TMEM132B: variants seen among roughly 807,000 people sequenced by gnomAD.
TMEM132B encodes transmembrane protein 132B.
A neutral mutation model predicts 90.8 loss-of-function variants in TMEM132B; 18 were observed. The observed-to-expected ratio is 0.20, with a 90% CI of 0.14 to 0.29. TMEM132B has a LOEUF of 0.29. TMEM132B is among the 10% of genes least tolerant of loss of function. The pLI is 1.00. For missense variants in TMEM132B, 1,096 were observed against 1,326.8 expected (o/e 0.83, Z 2.70); for synonymous variants, 504 against 523.3 (o/e 0.96, Z 0.50).
chr12:125,372,505 G>C (rs1319724920), intron 2 of TMEM132B, among the ~76,000 whole-genome samples: 1 of 152,180 alleles, frequency 6.6e-6, no homozygotes, highest in Non-Finnish European at 1.5e-5. Context: ...TTAGCCAAAG[G>C]AGCTTTTTGC....
chr12:125,334,970 A>C (rs961736211), intron 1 of TMEM132B, among the ~76,000 whole-genome samples: 1 of 152,244 alleles, frequency 6.6e-6, no homozygotes, highest in Admixed American at 6.5e-5. Flanking sequence ...GCCGGCCCTC[A>C]GTCTACTTCT....
At chr12:125,318,177 A>G (rs1456495492) in intron 1 of TMEM132B, among the ~76,000 whole-genome samples, 4 of 78,186 alleles carry the variant, frequency 5.1e-5, no homozygotes, top group African/African-American at 3.3e-4. Flanking sequence ...ACTATATACT[A>G]CAATAAAAGT....
intron 3 of TMEM132B, among the ~76,000 whole-genome samples, chr12:125,484,156 C>T (rs1471976839): frequency 6.6e-6 from 1 of 152,038 alleles, no homozygotes; most frequent in Non-Finnish European, 1.5e-5. Flanking sequence ...TGCCTTGGCC[C>T]CCCGAAGTGC....
At chr12:125,477,397 T>C (rs1264508082) in intron 3 of TMEM132B, among the ~76,000 whole-genome samples, 2 of 152,190 alleles carry the variant, frequency 1.3e-5, no homozygotes, top group Admixed American at 6.5e-5. Context: ...ATTCTCTCTC[T>C]CTGGCTCAAT....
chr12:125,368,904 GGT>G (rs1271645486), intron 2 of TMEM132B, among the ~76,000 whole-genome samples: 1 of 152,102 alleles, frequency 6.6e-6, no homozygotes, highest in Non-Finnish European at 1.5e-5. Flanking sequence ...TAAGTTCTAT[GGT>G]ACATGTGCAC....
chr12:125,419,239 A>G (rs1390167995), intron 3 of TMEM132B, among the ~76,000 whole-genome samples: 1 of 152,194 alleles, frequency 6.6e-6, no homozygotes, highest in African/African-American at 2.4e-5. Flanking sequence ...TCAAGATCCA[A>G]TCCAGCTGTT....
At chr12:125,381,292 C>A (rs1030709451) in intron 2 of TMEM132B, among the ~76,000 whole-genome samples, 8 of 152,124 alleles carry the variant, frequency 5.3e-5, no homozygotes, top group African/African-American at 1.9e-4. Flanking sequence ...AGACTCCTGA[C>A]CAGGACCTGG....
In TMEM132B at chr12:125,492,858, C is replaced by A. The variant is rs909127236; in HGVS notation, c.1107-26581C>A. On this transcript the variant is annotated intron_variant, in intron 3 of 8. Transcript: ENST00000682704. The surrounding 1 kb of genome is among the most constrained non-coding windows in gnomAD (Gnocchi z 5.8). ...CACAGCGCCAACCAAAGGCTCAGTT[C>A]CACCCTCAAGAGCTTGCAGTCCAGG... Among the ~76,000 whole-genome samples, 7 of 152,174 alleles carry A rather than the reference C, an allele frequency of 4.6e-5. No individual in the cohort carries two copies. The highest frequency in any genetic ancestry group is 1.7e-4 in the African/African-American group (7 of 41,434).
chr12:125,334,559 C>T (rs1876893037), intron 1 of TMEM132B, among the ~76,000 whole-genome samples: 2 of 152,154 alleles, frequency 1.3e-5, no homozygotes, highest in African/African-American at 4.8e-5. Context: ...TTTTTTCTGC[C>T]TTTGAAGCAA....
chr12:125,475,776 C>T (rs1262977708), intron 3 of TMEM132B, among the ~76,000 whole-genome samples: 2 of 152,128 alleles, frequency 1.3e-5, no homozygotes, highest in African/African-American at 4.8e-5. Context: ...CCTATTAGTT[C>T]CCCTCTAAAG....
At chr12:125,266,880 T>A (rs1477924320) in intron 1 of TMEM132B, among the ~76,000 whole-genome samples, 1 of 152,172 alleles carries the variant, frequency 6.6e-6, no homozygotes, top group Non-Finnish European at 1.5e-5. Context: ...AGCGAATGTG[T>A]CCCATGGCAC....
chr12:125,524,894 G>A (rs1883406638), intron 4 of TMEM132B, among the ~76,000 whole-genome samples: 1 of 152,204 alleles, frequency 6.6e-6, no homozygotes, highest in South Asian at 2.1e-4. Flanking sequence ...GGGAGCTCAT[G>A]GAGAGCTCCT....
intron 1 of TMEM132B, among the ~76,000 whole-genome samples, chr12:125,332,439 A>G (rs996902481): frequency 1.3e-5 from 2 of 151,934 alleles, no homozygotes; most frequent in Non-Finnish European, 2.9e-5. Flanking sequence ...TTTTTTTCCC[A>G]CAGACTTCTG....
intron 4 of TMEM132B, among the ~76,000 whole-genome samples, chr12:125,547,001 C>T (rs1421173038): frequency 2.0e-5 from 3 of 152,116 alleles, no homozygotes; most frequent in African/African-American, 7.2e-5. Flanking sequence ...AGGGGGAAGC[C>T]CCTTATGAAA....
intron 1 of TMEM132B, among the ~76,000 whole-genome samples, chr12:125,226,049 C>T (rs1212659702): frequency 6.6e-6 from 1 of 152,150 alleles, no homozygotes; most frequent in Non-Finnish European, 1.5e-5. Context: ...TAGTCTTTGC[C>T]TTATGCAAAA....
chr12:125,252,790 C>G (rs1565984361), intron 1 of TMEM132B, among the ~76,000 whole-genome samples: 1 of 152,130 alleles, frequency 6.6e-6, no homozygotes, highest in Non-Finnish European at 1.5e-5. Context: ...CACAGTTCCT[C>G]CCCGTTTCCC....
chr12:125,513,439 T>C (rs908536351), intron 3 of TMEM132B, among the ~76,000 whole-genome samples: 1 of 152,066 alleles, frequency 6.6e-6, no homozygotes, highest in Non-Finnish European at 1.5e-5. Context: ...ATAAAAGCCA[T>C]GGAAAAGCTA....
In TMEM132B at chr12:125,209,784, C is replaced by T. The variant is rs897337635; in HGVS notation, c.67+22918C>T. On this transcript the variant is annotated intron_variant, in intron 1 of 8. Coordinates refer to ENST00000682704, the MANE Select transcript of TMEM132B (RefSeq NM_001366854.1). This position sits in a 1 kb window ranked among gnomAD's most constrained non-coding sequence, Gnocchi z 4.4. ...AATTTTATTAAAGAACACAATGACA[C>T]CAGTTGTACCGGTATAGTCTCTCCT... Among the ~76,000 whole-genome samples the T allele has an allele frequency of 7.2e-5, 11 of 152,178 alleles. No homozygotes were observed. Among genetic ancestry groups the T allele is most frequent in the African/African-American group, 2.7e-4 (11 of 41,438 alleles).
intron 5 of TMEM132B, among the ~76,000 whole-genome samples, chr12:125,607,604 T>TACA (rs1747617994): frequency 6.6e-6 from 1 of 152,202 alleles, no homozygotes; most frequent in African/African-American, 2.4e-5. Flanking sequence ...CTCATAACAG[T>TACA]ACAAAATTAG....
Sources: allele counts gnomAD v4.1 joint callset (sites outside exome capture counted in the v4.1 genomes callset), GRCh38; gene constraint gnomAD v4.1.1; non-coding constraint Gnocchi (gnomAD v3.1); transcripts MANE v1.5; gene names NCBI Gene and HGNC (gene_info 2026-07-23, HGNC 2026-07-21).